SULF1: variants seen among roughly 807,000 people sequenced by gnomAD.
SULF1 encodes extracellular sulfatase Sulf-1.
Under a neutral mutation model 110.5 loss-of-function variants are expected in SULF1, and 46 were observed. That is an observed-to-expected ratio of 0.42 (90% confidence interval 0.33 to 0.53). SULF1 has a LOEUF of 0.53. Ranked by LOEUF, SULF1 falls within the 20% of genes least tolerant of loss-of-function variation. The pLI, the probability that SULF1 is intolerant of heterozygous loss-of-function variation, is 0.12. For missense variants in SULF1, 941 were observed against 1,094.2 expected, an observed-to-expected ratio of 0.86 and a Z score of 1.98; for synonymous variants, 371 against 387.1, an observed-to-expected ratio of 0.96 and a Z score of 0.49.
chr8:69,534,235 G>A (rs563325711), intron 3 of SULF1, among the ~76,000 whole-genome samples: 5 of 152,296 alleles, frequency 3.3e-5, no homozygotes, highest in Non-Finnish European at 7.3e-5. Flanking sequence ...CCAAGAATTG[G>A]ATGAAAATTG....
chr8:69,638,312 T>G (rs1811207466), intron 19 of SULF1, 190 bp from the exon 20 acceptor site: 1 of 658,558 alleles, frequency 1.5e-6, no homozygotes, highest in African/African-American at 1.8e-5. Context: ...TTTTCCCATT[T>G]TCACCTAGTT....
intron 8 of SULF1, among the ~76,000 whole-genome samples, chr8:69,594,412 G>A (rs1191333279): frequency 7.1e-6 from 1 of 140,130 alleles, no homozygotes; most frequent in Non-Finnish European, 1.5e-5. Flanking sequence ...CTGTGTGTGT[G>A]TGCATGTACA....
intron 3 of SULF1, among the ~76,000 whole-genome samples, chr8:69,552,457 G>A (rs1477469980): frequency 2.0e-5 from 3 of 152,196 alleles, no homozygotes; most frequent in Non-Finnish European, 4.4e-5. Context: ...AAACTAATTA[G>A]CAATTTAACT....
Position 69,659,256 on chromosome 8 carries a change from G to T in SULF1, c.*721G>T, listed in dbSNP as rs145279779. 1,222 of 452,952 alleles carry T rather than the reference G, an allele frequency of 2.7e-3. 8 individuals are homozygous for T. Among genetic ancestry groups the T allele is most frequent in the African/African-American group, 0.022 (1,106 of 49,894 alleles). The allele number at this position is 452,952 out of a possible 1,614,324, so 28.1% of individuals were successfully genotyped here. A position where few individuals can be genotyped will look rare whatever the true frequency, so the allele number is the denominator to read the frequency against. ...GGAAGATGTTGACCAAGGTGGAGAA[G>T]AATCACGAAAAGGAGAAGTCACAGC... is the stretch of plus-strand genomic sequence containing the variant. On this transcript the variant is annotated 3_prime_UTR_variant, in exon 23 of 23. Coordinates refer to ENST00000402687, the MANE Select transcript of SULF1 (RefSeq NM_001128205.2).
intron 3 of SULF1, among the ~76,000 whole-genome samples, chr8:69,512,669 A>G (rs1295102908): frequency 3.9e-5 from 6 of 151,988 alleles, no homozygotes; most frequent in Admixed American, 6.6e-5. Context: ...AGAAGCATTC[A>G]TTTTTCTCCT....
At chr8:69,493,965 A>G (rs903546132) in intron 1 of SULF1, among the ~76,000 whole-genome samples, 1 of 151,820 alleles carries the variant, frequency 6.6e-6, no homozygotes, top group African/African-American at 2.4e-5. Context: ...CTGAATACTT[A>G]GCAACTCTGA....
chr8:69,603,548 A>G (rs1807998916), intron 11 of SULF1, 52 bp from the exon 12 acceptor site: 1 of 1,487,206 alleles, frequency 6.7e-7, no homozygotes, highest in South Asian at 1.1e-5. Context: ...GCACAGATCC[A>G]TTTGGAAAAA....
intron 22 of SULF1, among the ~76,000 whole-genome samples, chr8:69,644,506 C>A (rs1244284470): frequency 6.6e-6 from 1 of 151,986 alleles, no homozygotes; most frequent in African/African-American, 2.4e-5. Flanking sequence ...CACAGGCAAC[C>A]AAGAATTGAT....
At chr8:69,598,011 G>A (rs1051859596) in intron 8 of SULF1, among the ~76,000 whole-genome samples, 4 of 151,088 alleles carry the variant, frequency 2.6e-5, no homozygotes, top group African/African-American at 9.8e-5. Flanking sequence ...TGTTTGTAAC[G>A]CAACATGCTG....
intron 6 of SULF1, among the ~76,000 whole-genome samples, chr8:69,581,776 A>G (rs777409570): frequency 2.6e-5 from 4 of 152,220 alleles, no homozygotes; most frequent in Admixed American, 6.5e-5. Flanking sequence ...GCCAGGAAAC[A>G]TCGTGTTGAA....
At chr8:69,630,967 C>A (rs58102292) in intron 19 of SULF1, among the ~76,000 whole-genome samples, 256 of 151,556 alleles carry the variant, frequency 1.7e-3, no homozygotes, top group African/African-American at 5.7e-3. Context: ...ATCCCTCCCC[C>A]CTGCCCCCAC....
chr8:69,468,651 A>G (rs758257971), intron 1 of SULF1, among the ~76,000 whole-genome samples: 19 of 152,308 alleles, frequency 1.2e-4, no homozygotes, highest in Non-Finnish European at 2.5e-4. Context: ...TTACAATGGA[A>G]ATGAGGTTTT....
At chr8:69,600,561 A>G in intron 8 of SULF1, 42 bp from the exon 9 acceptor site, 1 of 1,527,002 alleles carries the variant, frequency 6.5e-7, no homozygotes, top group Middle Eastern at 1.8e-4. Context: ...TAAAAGACTA[A>G]GTAAGAAATA....
chr8:69,619,899 C>A (rs1159483632), intron 13 of SULF1, among the ~76,000 whole-genome samples: 1 of 152,208 alleles, frequency 6.6e-6, no homozygotes, highest in African/African-American at 2.4e-5. Context: ...TTTAGCCTTG[C>A]CGTCTGCAGA....
intron 6 of SULF1, among the ~76,000 whole-genome samples, chr8:69,582,540 G>A (rs1466142439): frequency 1.3e-5 from 2 of 152,120 alleles, no homozygotes; most frequent in Admixed American, 1.3e-4. Context: ...TCACCATAGT[G>A]GCTTTGCAGA....
At chr8:69,494,153 G>A (rs182907883) in intron 1 of SULF1, among the ~76,000 whole-genome samples, 1 of 152,192 alleles carries the variant, frequency 6.6e-6, no homozygotes, top group African/African-American at 2.4e-5. Flanking sequence ...GAAAAGCAAG[G>A]CCTCTCACTT....
At chr8:69,553,356 C>CTGAT (rs1814866262) in intron 3 of SULF1, among the ~76,000 whole-genome samples, 2 of 152,192 alleles carry the variant, frequency 1.3e-5, no homozygotes, top group African/African-American at 4.8e-5. Flanking sequence ...GTTTTCAACC[C>CTGAT]TGATTGAAAC....
intron 3 of SULF1, among the ~76,000 whole-genome samples, chr8:69,555,129 GA>G (rs528032240): frequency 2.7e-5 from 4 of 148,870 alleles, no homozygotes; most frequent in East Asian, 2.0e-4. Flanking sequence ...AATACATTTT[GA>G]AAAAAAAATA....
intron 22 of SULF1, among the ~76,000 whole-genome samples, chr8:69,652,920 A>G (rs1006923407): frequency 6.6e-6 from 1 of 152,168 alleles, no homozygotes. Context: ...CAGATTTGCA[A>G]ATCGTTCTTT....
Sources: gnomAD v4.1 joint callset for allele counts (sites outside exome capture counted in the v4.1 genomes callset) on GRCh38, gnomAD v4.1.1 for gene constraint, MANE v1.5 for transcripts, NCBI Gene and HGNC (gene_info 2026-07-23, HGNC 2026-07-21) for gene names.